EXD1: variants seen among roughly 807,000 people sequenced by gnomAD.
EXD1 encodes the protein exonuclease 3'-5' domain containing 1.
A neutral mutation model predicts 49.1 loss-of-function variants in EXD1; 63 were observed. The ratio of observed to expected loss-of-function variants is 1.28; its 90% CI spans 1.05 to 1.58. The LOEUF (loss-of-function observed/expected upper bound fraction) is 1.58, where lower values mean the gene tolerates loss of function less well. Among genes scored for constraint, EXD1 ranks in the 40% most tolerant of loss-of-function variants. The pLI, the probability that EXD1 is intolerant of heterozygous loss-of-function variation, is 0.00. For missense variants in EXD1, 748 were observed against 666.0 expected (o/e 1.12, Z -1.36); for synonymous variants, 234 against 239.2 (o/e 0.98, Z 0.20).
chr15:41,191,373 A>T (rs2046511973), intron 10 of EXD1, 69 bp downstream of exon 10: 2 of 1,418,992 alleles, frequency 1.4e-6, no homozygotes, highest in Non-Finnish European at 9.7e-7. Context: ...TCTACATAAC[A>T]GGCTGATAAT....
intron 11 of EXD1, among the ~76,000 whole-genome samples, chr15:41,187,507 T>C (rs973269123): frequency 2.6e-5 from 4 of 152,228 alleles, no homozygotes; most frequent in African/African-American, 9.6e-5. Context: ...GAGAGATGAC[T>C]GTATATGTTT....
rs2046487526 is a variant in EXD1, at chr15:41,190,190, T to G, written c.865-62A>C. 3 of 1,573,054 alleles carry G rather than the reference T, an allele frequency of 1.9e-6. No individual in the cohort carries two copies. The East Asian group carries it at 6.7e-5, about 35-fold the overall frequency. ...CAAGACTTTAAAGAAAATAACTGTT[T>G]TAGGCTGGGCACAGTGGCTCATGCC... On this transcript the variant is annotated intron_variant, in intron 10 of 11. Transcript: ENST00000458580.
intron 2 of EXD1, among the ~76,000 whole-genome samples, chr15:41,223,504 T>G (rs1366480632): frequency 6.6e-6 from 1 of 151,906 alleles, no homozygotes; most frequent in African/African-American, 2.4e-5. Flanking sequence ...GAGGATCACT[T>G]GAGCCCAGAA....
At chr15:41,199,797 A>C (rs549732406) in intron 7 of EXD1, among the ~76,000 whole-genome samples, 3 of 88,084 alleles carry the variant, frequency 3.4e-5, no homozygotes, top group African/African-American at 1.4e-4. Flanking sequence ...ATAATGTCAT[A>C]TATATTATAT....
chr15:41,211,640 T>C (rs1462008322), intron 6 of EXD1, among the ~76,000 whole-genome samples: 1 of 151,160 alleles, frequency 6.6e-6, no homozygotes, highest in African/African-American at 2.4e-5. Flanking sequence ...CAGGGCAACA[T>C]AGTGAGAAAT....
At chr15:41,230,368 C>A in intron 1 of EXD1, 111 bp downstream of exon 1, 1 of 1,157,544 alleles carries the variant, frequency 8.6e-7, no homozygotes, top group South Asian at 1.3e-5. Flanking sequence ...CAGGCGTGAG[C>A]CACCGTGCCA....
intron 9 of EXD1, among the ~76,000 whole-genome samples, chr15:41,193,409 C>G (rs1012123541): frequency 2.0e-5 from 3 of 151,982 alleles, no homozygotes; most frequent in Non-Finnish European, 4.4e-5. Context: ...GAGTTCGATG[C>G]CAGCATGGGC....
intron 11 of EXD1, 65 bp from the exon 12 acceptor site, chr15:41,184,658 CTTTT>C: frequency 1.6e-6 from 2 of 1,259,992 alleles, no homozygotes; most frequent in Non-Finnish European, 2.1e-6. Context: ...CTTAAAATCA[CTTTT>C]TTTTTTTTTT....
intron 6 of EXD1, among the ~76,000 whole-genome samples, chr15:41,213,160 CA>C (rs1215197571): frequency 1.3e-5 from 2 of 151,794 alleles, no homozygotes; most frequent in Non-Finnish European, 2.9e-5. Flanking sequence ...CAAAGCCTGT[CA>C]AAAAAACTAC....
At chr15:41,214,555 G>A (rs1385488092) in intron 6 of EXD1, among the ~76,000 whole-genome samples, 1 of 151,732 alleles carries the variant, frequency 6.6e-6, no homozygotes, top group African/African-American at 2.4e-5. Flanking sequence ...AACTGCCAAT[G>A]GCTTTAAGTC....
chr15:41,197,330 C>G lies in EXD1; in HGVS notation c.535-1293G>C, dbSNP rs181896311. 4.7e-3 allele frequency among the ~76,000 whole-genome samples: 710 copies of G among 151,504 alleles called. 4 individuals carry two copies. Among genetic ancestry groups the G allele is most frequent in the Non-Finnish European group, 8.2e-3 (556 of 67,898 alleles). On this transcript the variant is annotated intron_variant, in intron 7 of 11. Coordinates refer to ENST00000458580, the MANE Select transcript of EXD1 (RefSeq NM_001286441.2). ...GCAACCTCTGCTGTCCGGGTTCTCG[C>G]CATTCTCCTGCCTCAGCCTCCTGAG...
chr15:41,226,590 A>G lies in EXD1; in HGVS notation c.-15T>C. The stretch of plus-strand genomic sequence containing the variant: ...CTGGGGTCCATGCTAATTGATTCCA[A>G]AAGCCGTCTTCAAATAATCTTCTTT... On this transcript the variant is annotated 5_prime_UTR_variant, in exon 2 of 12. Transcript: ENST00000458580. 2 of 1,530,456 alleles carry G rather than the reference A, an allele frequency of 1.3e-6. No individual in the cohort carries two copies. The highest frequency in any genetic ancestry group is 1.7e-6 in the Non-Finnish European group (2 of 1,144,464). 94.8% of individuals were successfully genotyped at this position (1,530,456 alleles called of 1,614,324 possible). A position where few individuals can be genotyped will look rare whatever the true frequency, so the allele number is the denominator to read the frequency against.
intron 2 of EXD1, among the ~76,000 whole-genome samples, chr15:41,220,625 C>G (rs1324044271): frequency 2.6e-5 from 4 of 152,130 alleles, no homozygotes; most frequent in Non-Finnish European, 5.9e-5. Flanking sequence ...AAAGTACTAT[C>G]AAGGACAACG....
At chr15:41,192,592 GCATTTTTTTTTTTTTTTTTTTT>G (rs878931875) in intron 9 of EXD1, among the ~76,000 whole-genome samples, 43 of 86,212 alleles carry the variant, frequency 5.0e-4, no homozygotes, top group African/African-American at 1.5e-3. Flanking sequence ...ACTGCGCCAG[GCATTTTTTTTTTTTTTTTTTTT>G]TTTTTTTTTT....
chr15:41,197,487 C>T (rs568023591), intron 7 of EXD1, among the ~76,000 whole-genome samples: 1 of 151,592 alleles, frequency 6.6e-6, no homozygotes, highest in African/African-American at 2.4e-5. Flanking sequence ...TCTCGGCCTC[C>T]CAAAGCGCTG....
chr15:41,187,945 G>A (rs1394561449), intron 11 of EXD1, among the ~76,000 whole-genome samples: 1 of 148,620 alleles, frequency 6.7e-6, no homozygotes, highest in Admixed American at 6.9e-5. Context: ...AACCCAGGAG[G>A]TGGAGTTTGT....
In EXD1 at chr15:41,192,613, T is replaced by A. The variant is rs1204303655; in HGVS notation, c.721-1028A>T. 5.2e-4 allele frequency among the ~76,000 whole-genome samples: 52 copies of A among 100,598 alleles called. 1 individual carries two copies. The highest frequency in any genetic ancestry group is 7.1e-4 in the Admixed American group (7 of 9,798). 66.0% of individuals were successfully genotyped at this position (100,598 alleles called of 152,430 possible). A position where few individuals can be genotyped will look rare whatever the true frequency, so the allele number is the denominator to read the frequency against. Reference sequence around the variant, plus strand: ...CCAGGCATTTTTTTTTTTTTTTTTTTTTTTTTTTTTTTTTTTTTTGAGATA... The same window carrying A: ...CCAGGCATTTTTTTTTTTTTTTTTTATTTTTTTTTTTTTTTTTTTGAGATA... On this transcript the variant is annotated intron_variant, in intron 9 of 11. Coordinates refer to ENST00000458580, the MANE Select transcript of EXD1 (RefSeq NM_001286441.2).
chr15:41,202,901 G>A (rs1295386534), intron 7 of EXD1, among the ~76,000 whole-genome samples: 1 of 138,046 alleles, frequency 7.2e-6, no homozygotes, highest in Non-Finnish European at 1.5e-5. Flanking sequence ...CTAGGTGACA[G>A]AGCAAGACTC....
chr15:41,208,768 G>A (rs1451587967), intron 7 of EXD1, among the ~76,000 whole-genome samples: 3 of 151,700 alleles, frequency 2.0e-5, no homozygotes, highest in African/African-American at 4.8e-5. Context: ...AATAATAATA[G>A]TAATAATAAT....
Sources: gnomAD v4.1 joint callset for allele counts (sites outside exome capture counted in the v4.1 genomes callset) on GRCh38, gnomAD v4.1.1 for gene constraint, MANE v1.5 for transcripts, NCBI Gene and HGNC (gene_info 2026-07-23, HGNC 2026-07-21) for gene names.